The following SLC24A1 variants were observed in gnomAD, a reference collection of about 807,000 sequenced individuals.
SLC24A1 encodes the protein sodium/potassium/calcium exchanger 1.
A neutral mutation model predicts 88.1 loss-of-function variants in SLC24A1; 52 were observed. The ratio of observed to expected loss-of-function variants is 0.59; its 90% CI spans 0.47 to 0.74. The LOEUF (loss-of-function observed/expected upper bound fraction) is 0.74, where lower values mean the gene tolerates loss of function less well. Ranked by LOEUF, SLC24A1 falls within the 30% of genes least tolerant of loss-of-function variation. The pLI is 0.00. For missense variants in SLC24A1, 1,173 were observed against 1,363.3 expected (o/e 0.86, Z 2.20); for synonymous variants, 455 against 498.0 (o/e 0.91, Z 1.15).
chr15:65,625,810 T>C lies in SLC24A1; in HGVS notation c.1730T>C (p.Leu577Pro), dbSNP rs1566949328. 6.2e-7 allele frequency: 1 copy of C among 1,614,076 alleles called. No homozygotes were observed. Among genetic ancestry groups the C allele is most frequent in the South Asian group, 1.1e-5 (1 of 91,088 alleles). Residue 577 changes from leucine (L) to proline (P), a missense_variant, in exon 2 of 10, where the codon CTG becomes CCG. By Grantham distance (98) the Leu-to-Pro change is moderately conservative. Transcript: ENST00000261892. Reference protein sequence around the residue: ...LDLIMLILFFLDSLIAWWESL... With the variant: ...LDLIMLILFFPDSLIAWWESL... ...CTGATAATGCTCATCCTCTTCTTCC[T>C]GGACAGCCTCATTGCCTGGTGGGAG... is the stretch of plus-strand genomic sequence containing the variant.
Position 65,624,561 on chromosome 15 carries a change from C to G in SLC24A1, c.481C>G (p.Gln161Glu). Reference sequence around the variant, plus strand: ...TTACTACACCTCAACTTCAAGCAGACAAATAGTAAAAAAGTATACCCCAAC... The same window carrying G: ...TTACTACACCTCAACTTCAAGCAGAGAAATAGTAAAAAAGTATACCCCAAC... ...LTYYTSTSSRQIVKKYTPTPR... is the reference protein window; with the variant it reads ...LTYYTSTSSREIVKKYTPTPR... The change falls in exon 2 of 10, where the codon CAA becomes GAA. Residue 161 changes from glutamine to glutamate, a missense_variant. Coordinates refer to ENST00000261892, the MANE Select transcript of SLC24A1 (RefSeq NM_004727.3). 6.3e-7 allele frequency: 1 copy of G among 1,597,244 alleles called. No individual in the cohort carries two copies. Among genetic ancestry groups the G allele is most frequent in the Non-Finnish European group, 8.5e-7 (1 of 1,171,728 alleles).
At chr15:65,648,804 T>C (rs2075397954) in intron 6 of SLC24A1, among the ~76,000 whole-genome samples, 1 of 151,050 alleles carries the variant, frequency 6.6e-6, no homozygotes, top group Non-Finnish European at 1.5e-5. Context: ...CCAGCCTATC[T>C]CTTAAATTTT....
Position 65,624,413 on chromosome 15 carries a change from C to T in SLC24A1, c.333C>T (p.Ile111=), listed in dbSNP as rs925354863. 3 of 1,613,226 alleles carry T rather than the reference C, an allele frequency of 1.9e-6. No homozygotes were observed. Among genetic ancestry groups the T allele is most frequent in the Non-Finnish European group, 2.5e-6 (3 of 1,179,564 alleles). Residue 111 remains isoleucine (I), a synonymous_variant, in exon 2 of 10, where the codon ATC becomes ATT. Coordinates refer to ENST00000261892, the MANE Select transcript of SLC24A1 (RefSeq NM_004727.3). The stretch of plus-strand genomic sequence containing the variant: ...CACTGAGCATGACAGTGGAGAATAT[C>T]CCCAGTATGCCTAAAAGAACAGCCA... ...EATLSMTVEN[I]PSMPKRTAKM... is the part of the protein sequence containing the mutation.
intron 2 of SLC24A1, among the ~76,000 whole-genome samples, chr15:65,636,446 G>A (rs145211729): frequency 2.0e-3 from 298 of 152,202 alleles, no homozygotes; most frequent in African/African-American, 6.7e-3. Context: ...GCCGGGTGTC[G>A]TAGTACGCAC....
chr15:65,614,366 A>G (rs1035124792), intron 2 of SLC24A1, among the ~76,000 whole-genome samples: 7 of 152,208 alleles, frequency 4.6e-5, no homozygotes, highest in Admixed American at 2.6e-4. Context: ...TAAATCCCTA[A>G]TATCATCAAA....
chr15:65,614,015 C>T (rs2074058517), intron 2 of SLC24A1, among the ~76,000 whole-genome samples: 1 of 152,184 alleles, frequency 6.6e-6, no homozygotes, highest in Admixed American at 6.5e-5. Context: ...CTCATCATTA[C>T]CTCCTCCCTA....
At chr15:65,649,955 G>A (rs557137509) in intron 6 of SLC24A1, among the ~76,000 whole-genome samples, 1 of 152,326 alleles carries the variant, frequency 6.6e-6, no homozygotes, top group African/African-American at 2.4e-5. Context: ...GAGTTCACCA[G>A]GATAGGGAGG....
chr15:65,625,871 GT>G lies in SLC24A1; in HGVS notation c.1793del (p.Phe598SerfsTer3). ...TGCTGCTGGCCTATGCCTTCTATGT[GT>G]TCACCATGAAGTGGAACAAGCATAT... Reference protein sequence around the residue: ...LLLLAYAFYVFTMKWNKHIEV... With the variant: ...LLLLAYAFYVXTMKWNKHIEV... On this transcript the variant is annotated frameshift_variant, in exon 2 of 10. Transcript: ENST00000261892. LOFTEE classifies it high-confidence loss of function. 1 of 1,614,026 alleles carries G rather than the reference GT, an allele frequency of 6.2e-7. No individual in the cohort carries two copies. The highest frequency in any genetic ancestry group is 8.5e-7 in the Non-Finnish European group (1 of 1,179,896).
chr15:65,645,748 G>A (rs1363634207), intron 6 of SLC24A1, 45 bp downstream of exon 6: 1 of 1,389,548 alleles, frequency 7.2e-7, no homozygotes, highest in Non-Finnish European at 1.0e-6. Flanking sequence ...GAGGTCTAGG[G>A]AAGGAACTCT....
chr15:65,644,339 G>A, intron 4 of SLC24A1, 88 bp from the exon 5 acceptor site: 3 of 901,630 alleles, frequency 3.3e-6, no homozygotes, highest in Non-Finnish European at 5.4e-6. Context: ...CTGCCCTCTG[G>A]CTGCTCAGCT....
At chr15:65,643,007 G>T (rs1435653491) in intron 4 of SLC24A1, 3 of 1,289,192 alleles carry the variant, frequency 2.3e-6, no homozygotes, top group African/African-American at 3.0e-5. Context: ...TGCTTCCCAG[G>T]TAGGACAGCT....
Position 65,654,351 on chromosome 15 carries a change from G to A in SLC24A1, c.*272G>A. The A allele has an allele frequency of 2.4e-6, 3 of 1,242,362 alleles. No individual in the cohort carries two copies. Among genetic ancestry groups the A allele is most frequent in the Non-Finnish European group, 3.0e-6 (3 of 989,702 alleles). The allele number at this position is 1,242,362 out of a possible 1,614,324, so 77.0% of individuals were successfully genotyped here. A position where few individuals can be genotyped will look rare whatever the true frequency, so the allele number is the denominator to read the frequency against. The stretch of plus-strand genomic sequence containing the variant: ...CATGGAGGCAGTAGAAGGACCCCTG[G>A]AGCCAGAGGGTTTTCTAAATGAGAT... On this transcript the variant is annotated 3_prime_UTR_variant, in exon 10 of 10. Coordinates refer to ENST00000261892, the MANE Select transcript of SLC24A1 (RefSeq NM_004727.3).
At chr15:65,658,777 G>A (rs2075758748), downstream of SLC24A1, among the ~76,000 whole-genome samples, 1 of 152,148 alleles carries the variant, frequency 6.6e-6, no homozygotes, top group South Asian at 2.1e-4. Context: ...GCTAATACTT[G>A]CTGGTTGCAC....
intron 2 of SLC24A1, among the ~76,000 whole-genome samples, chr15:65,628,845 T>A (rs928325027): frequency 6.6e-6 from 1 of 152,216 alleles, no homozygotes; most frequent in Non-Finnish European, 1.5e-5. Flanking sequence ...GAAAATTAAC[T>A]GCAATGAAGT....
intron 1 of SLC24A1, chr15:65,611,786 C>T (rs933491930): frequency 6.6e-6 from 1 of 152,314 alleles, no homozygotes; most frequent in East Asian, 1.9e-4. Flanking sequence ...CCGCTCTCTA[C>T]TAAAATACAA....
intron 2 of SLC24A1, among the ~76,000 whole-genome samples, chr15:65,635,560 A>C (rs1328787777): frequency 6.6e-6 from 1 of 151,958 alleles, no homozygotes; most frequent in Non-Finnish European, 1.5e-5. Flanking sequence ...GTAGCCTCTT[A>C]AATCCCAGTA....
Position 65,624,611 on chromosome 15 carries a change from C to T in SLC24A1, c.531C>T (p.Tyr177=), listed in dbSNP as rs148676448. The T allele has an allele frequency of 1.4e-4, 225 of 1,594,056 alleles. No homozygotes were observed. The African/African-American group carries it at 2.8e-3, about 20-fold the overall frequency. The change falls in exon 2 of 10, where the codon TAC becomes TAT. Residue 177 remains tyrosine, a synonymous_variant. Transcript: ENST00000261892. ...CACCCAGGGGAGAAATGAAGAGCTA[C>T]AGCCCAACTCAAGTGAGGGAAAAGG... ...TPTPRGEMKS[Y]SPTQVREKVK... is the part of the protein sequence containing the mutation.
At chr15:65,643,740 A>G (rs770134189) in intron 4 of SLC24A1, among the ~76,000 whole-genome samples, 47 of 152,220 alleles carry the variant, frequency 3.1e-4, no homozygotes, top group Non-Finnish European at 5.7e-4. Flanking sequence ...GTGGGCCTCC[A>G]GCAAAGCATG....
intron 4 of SLC24A1, chr15:65,643,108 C>G: frequency 1.1e-6 from 1 of 936,024 alleles, no homozygotes; most frequent in Non-Finnish European, 1.5e-6. Flanking sequence ...GTGCCAGACA[C>G]TGTTTTGACC....
Sources: gnomAD v4.1 joint callset for allele counts (sites outside exome capture counted in the v4.1 genomes callset) on GRCh38, gnomAD v4.1.1 for gene constraint, MANE v1.5 for transcripts, NCBI Gene and HGNC (gene_info 2026-07-23, HGNC 2026-07-21) for gene names.